GALNT17: variants seen among roughly 807,000 people sequenced by gnomAD.
GALNT17 encodes polypeptide N-acetylgalactosaminyltransferase 17.
A neutral mutation model predicts 63.7 loss-of-function variants in GALNT17; 29 were observed. The ratio of observed to expected loss-of-function variants is 0.46; its 90% CI spans 0.34 to 0.62. The LOEUF (loss-of-function observed/expected upper bound fraction) is 0.62. GALNT17 is among the 20% of genes least tolerant of loss of function. The probability of loss-of-function intolerance (pLI) is 0.01; values close to 1 mark genes in which losing one functional copy is unlikely to be tolerated. For missense variants in GALNT17, 603 were observed against 799.6 expected, an observed-to-expected ratio of 0.75 and a Z score of 2.97; for synonymous variants, 305 against 318.3, an observed-to-expected ratio of 0.96 and a Z score of 0.45.
intron 1 of GALNT17, among the ~76,000 whole-genome samples, chr7:71,176,367 G>A (rs941225585): frequency 2.0e-5 from 3 of 152,098 alleles, no homozygotes; most frequent in Admixed American, 6.5e-5. Flanking sequence ...GGAAAACCCT[G>A]CCCGTCCAGG....
intron 8 of GALNT17, among the ~76,000 whole-genome samples, chr7:71,672,084 T>A (rs1378203855): frequency 1.3e-5 from 2 of 149,502 alleles, no homozygotes; most frequent in Non-Finnish European, 3.0e-5. Context: ...TATTAATAGA[T>A]CTGAACTGCC....
chr7:71,158,678 A>G (rs539232832), intron 1 of GALNT17, among the ~76,000 whole-genome samples: 1,880 of 151,532 alleles, frequency 0.012, 92 homozygotes, highest in African/African-American at 0.044. Flanking sequence ...CCGGGTTCAC[A>G]CCATTCTCCT....
intron 1 of GALNT17, among the ~76,000 whole-genome samples, chr7:71,268,483 G>A (rs1790530514): frequency 6.6e-6 from 1 of 151,648 alleles, no homozygotes; most frequent in Non-Finnish European, 1.5e-5. Context: ...CTGGGGAGGT[G>A]GATGTTGCAG....
At chr7:71,456,890 A>G (rs142771998) in intron 5 of GALNT17, among the ~76,000 whole-genome samples, 1 of 152,186 alleles carries the variant, frequency 6.6e-6, no homozygotes, top group Non-Finnish European at 1.5e-5. Context: ...TGAGACATCT[A>G]TCACTATGTG....
chr7:71,255,680 A>G (rs959384824), intron 1 of GALNT17, among the ~76,000 whole-genome samples: 19 of 152,190 alleles, frequency 1.2e-4, no homozygotes, highest in African/African-American at 4.6e-4. Flanking sequence ...TGATGTGTTC[A>G]TAGGGAAAGT....
At chr7:71,250,657 T>C (rs1005434695) in intron 1 of GALNT17, among the ~76,000 whole-genome samples, 36 of 152,214 alleles carry the variant, frequency 2.4e-4, no homozygotes, top group African/African-American at 8.0e-4. Flanking sequence ...TAAGAACTCA[T>C]TTAGTTCAGA....
At chr7:71,332,300 A>G in intron 1 of GALNT17, among the ~76,000 whole-genome samples, 1 of 152,096 alleles carries the variant, frequency 6.6e-6, no homozygotes, top group East Asian at 1.9e-4. Context: ...TGGGGAAAAA[A>G]AAAAATCCAG....
intron 6 of GALNT17, among the ~76,000 whole-genome samples, chr7:71,574,180 G>A (rs1789497888): frequency 6.6e-6 from 1 of 152,216 alleles, no homozygotes; most frequent in Non-Finnish European, 1.5e-5. Context: ...ATACCCAGTA[G>A]TAAATGAGAT....
intron 9 of GALNT17, among the ~76,000 whole-genome samples, chr7:71,684,342 G>A (rs975436471): frequency 3.3e-5 from 5 of 152,214 alleles, no homozygotes; most frequent in African/African-American, 1.2e-4. Context: ...GAAAGAGGGG[G>A]CTAGGGGTAG....
intron 1 of GALNT17, among the ~76,000 whole-genome samples, chr7:71,184,985 T>G (rs1788814868): frequency 8.1e-6 from 1 of 123,442 alleles, no homozygotes; most frequent in Non-Finnish European, 1.6e-5. Context: ...CCTTCCTTCC[T>G]TCCTTCCTTC....
chr7:71,366,296 A>G (rs2116252570), intron 2 of GALNT17, among the ~76,000 whole-genome samples: 1 of 152,076 alleles, frequency 6.6e-6, no homozygotes, highest in South Asian at 2.1e-4. Context: ...ATAGAAAAAG[A>G]AACCCTCGGC....
chr7:71,693,226 GTATACATA>G (rs1178710398), intron 9 of GALNT17, among the ~76,000 whole-genome samples: 1 of 123,344 alleles, frequency 8.1e-6, no homozygotes, highest in African/African-American at 3.1e-5. Flanking sequence ...TACAATACAT[GTATACATA>G]TATACACATA....
At chr7:71,501,596 G>A (rs756716851) in intron 5 of GALNT17, among the ~76,000 whole-genome samples, 1 of 152,034 alleles carries the variant, frequency 6.6e-6, no homozygotes, top group Non-Finnish European at 1.5e-5. Context: ...TATACAAATG[G>A]CAGGATCTCA....
At chr7:71,544,757 C>T (rs1223874936) in intron 5 of GALNT17, among the ~76,000 whole-genome samples, 1 of 152,016 alleles carries the variant, frequency 6.6e-6, no homozygotes, top group African/African-American at 2.4e-5. Flanking sequence ...AGAGAGGAAA[C>T]TCTTGGATTC....
intron 1 of GALNT17, among the ~76,000 whole-genome samples, chr7:71,218,599 C>G (rs1223604181): frequency 1.3e-5 from 2 of 152,060 alleles, no homozygotes; most frequent in Non-Finnish European, 2.9e-5. Flanking sequence ...CTGTTAGGAA[C>G]CTGGCCTCAC....
intron 5 of GALNT17, among the ~76,000 whole-genome samples, chr7:71,479,051 TACTA>T (rs1225508620): frequency 2.0e-5 from 3 of 152,292 alleles, no homozygotes; most frequent in Middle Eastern, 3.4e-3. Flanking sequence ...TTTTGTGAAA[TACTA>T]ACTGTCACCA....
At chr7:71,392,729 C>T (rs745926378) in intron 3 of GALNT17, among the ~76,000 whole-genome samples, 9 of 152,120 alleles carry the variant, frequency 5.9e-5, no homozygotes, top group Non-Finnish European at 8.8e-5. Context: ...TCATCATCCT[C>T]CTCCTCCTCT....
At chr7:71,408,175 C>T (rs1036610218) in intron 3 of GALNT17, among the ~76,000 whole-genome samples, 6 of 152,060 alleles carry the variant, frequency 3.9e-5, no homozygotes, top group Non-Finnish European at 8.8e-5. Flanking sequence ...TTAGGGATAC[C>T]GAGAAAGGAG....
chr7:71,243,306 T>A (rs943947516), intron 1 of GALNT17, among the ~76,000 whole-genome samples: 1 of 152,206 alleles, frequency 6.6e-6, no homozygotes, highest in Non-Finnish European at 1.5e-5. Flanking sequence ...CTCTATAAAT[T>A]ACCTCTTTTC....
Sources: allele counts gnomAD v4.1 joint callset (sites outside exome capture counted in the v4.1 genomes callset), GRCh38; gene constraint gnomAD v4.1.1; transcripts MANE v1.5; gene names NCBI Gene and HGNC (gene_info 2026-07-23, HGNC 2026-07-21).